The following NCOR1 variants were observed in gnomAD, a reference collection of about 807,000 sequenced individuals.
NCOR1 encodes the protein nuclear receptor corepressor 1.
Under a neutral mutation model 288.1 loss-of-function variants are expected in NCOR1, and 63 were observed. The observed-to-expected ratio is 0.22, with a 90% CI of 0.18 to 0.27. The LOEUF is 0.27. NCOR1 is among the 10% of genes least tolerant of loss of function. The pLI is 1.00. For synonymous variants in NCOR1, 1,007 were observed against 1,065.9 expected (o/e 0.94, Z 1.08); for missense variants, 2,397 against 3,019.2 (o/e 0.79, Z 4.83).
chr17:16,076,734 A>G (rs965597067), intron 26 of NCOR1, among the ~76,000 whole-genome samples: 4 of 152,220 alleles, frequency 2.6e-5, no homozygotes, highest in Non-Finnish European at 5.9e-5. Flanking sequence ...CAACCACCTC[A>G]GTGGCTGGAC....
At position 16,032,281 on chromosome 17, in the gene NCOR1, C is replaced by A; in HGVS notation, c.*15G>T. ...GATCCCTCTCCTGCACCCTGTTCCC[C>A]TCACTTTGTGCAGTTCAGTCATCAC... is the stretch of plus-strand genomic sequence containing the variant. On this transcript the variant is annotated 3_prime_UTR_variant, in exon 46 of 46. Transcript: ENST00000268712. 6.3e-7 allele frequency: 1 copy of A among 1,593,850 alleles called. No individual in the cohort carries two copies.
At chr17:16,079,690 A>T (rs1466778962) in intron 26 of NCOR1, among the ~76,000 whole-genome samples, 1 of 152,246 alleles carries the variant, frequency 6.6e-6, no homozygotes, top group Non-Finnish European at 1.5e-5. Flanking sequence ...TTTTCCAGGA[A>T]GACAATAAGA....
chr17:16,199,781 C>A (rs958804439), intron 1 of NCOR1, among the ~76,000 whole-genome samples: 2 of 152,100 alleles, frequency 1.3e-5, no homozygotes, highest in Non-Finnish European at 2.9e-5. Context: ...GAAATCTGAT[C>A]GAGATTTTAT....
At chr17:16,215,080 G>T (rs1252148929) in intron 1 of NCOR1, among the ~76,000 whole-genome samples, 11 of 152,164 alleles carry the variant, frequency 7.2e-5, no homozygotes, top group Non-Finnish European at 1.6e-4. Flanking sequence ...CTCCGCACAG[G>T]ACACCTCGGG....
At chr17:16,043,906 A>G (rs2152110512) in intron 42 of NCOR1, among the ~76,000 whole-genome samples, 1 of 152,340 alleles carries the variant, frequency 6.6e-6, no homozygotes, top group African/African-American at 2.4e-5. Context: ...ACAGTGGTTC[A>G]CGCCTGTAAT....
intron 18 of NCOR1, among the ~76,000 whole-genome samples, chr17:16,111,456 G>C (rs2070146453): frequency 6.6e-6 from 1 of 151,894 alleles, no homozygotes; most frequent in African/African-American, 2.4e-5. Flanking sequence ...ACAAACATTA[G>C]TCAGGCATGG....
chr17:16,140,745 C>T lies in NCOR1; in HGVS notation c.1174-1559G>A, dbSNP rs528327582. Among the ~76,000 whole-genome samples, 7 of 152,224 alleles carry T rather than the reference C, an allele frequency of 4.6e-5. No individual in the cohort carries two copies. In the South Asian group the frequency reaches 6.2e-4, roughly 14 times the overall value. On this transcript the variant is annotated intron_variant, in intron 11 of 45. Transcript: ENST00000268712. ...AGTAGAATCGCTTGAACCTGGGACGCGGAGGTTGCAGTGAGCCAAGATCGT... is the reference window on the plus strand; with the variant it reads ...AGTAGAATCGCTTGAACCTGGGACGTGGAGGTTGCAGTGAGCCAAGATCGT...
chr17:16,140,494 T>A (rs191761429), intron 11 of NCOR1, among the ~76,000 whole-genome samples: 1 of 152,106 alleles, frequency 6.6e-6, no homozygotes, highest in African/African-American at 2.4e-5. Context: ...TGAGACCCCA[T>A]CTCTACAAAA....
intron 20 of NCOR1, among the ~76,000 whole-genome samples, chr17:16,100,646 GA>G (rs898233405): frequency 6.6e-6 from 1 of 151,588 alleles, no homozygotes; most frequent in Non-Finnish European, 1.5e-5. Context: ...CTCAAAAAAA[GA>G]AAAAAAACTT....
At chr17:16,148,663 CAAAAAAAAAAAAA>C (rs397857284) in intron 9 of NCOR1, among the ~76,000 whole-genome samples, 11 of 48,350 alleles carry the variant, frequency 2.3e-4, no homozygotes, top group Admixed American at 7.5e-4. Context: ...ATGTTCTTGG[CAAAAAAAAAAAAA>C]AAAAAAAAAA....
rs1481819528 is a variant in NCOR1, at chr17:16,064,901, G to A, written c.5070C>T (p.Pro1690=). The A allele has an allele frequency of 1.9e-6, 3 of 1,613,228 alleles. No homozygotes were observed. The African/African-American group carries it at 4.0e-5, about 22-fold the overall frequency. ...YIPGTQITFP[P]RPYNSASMSP... ...ACATGGAAGCAGAGTTGTACGGCCT[G>A]GGAGGGAAAGTAATCTGTGTACCAG... Residue 1690 remains proline, a synonymous_variant, in exon 34 of 46, where the codon CCC becomes CCT. Transcript: ENST00000268712.
intron 21 of NCOR1, among the ~76,000 whole-genome samples, chr17:16,094,871 A>G (rs1426968434): frequency 6.6e-6 from 1 of 152,118 alleles, no homozygotes; most frequent in Non-Finnish European, 1.5e-5. Flanking sequence ...TCAGTGCTCA[A>G]TGGTGCCCAG....
chr17:16,187,385 T>G (rs1008233346), intron 2 of NCOR1, among the ~76,000 whole-genome samples: 1 of 151,872 alleles, frequency 6.6e-6, no homozygotes, highest in African/African-American at 2.4e-5. Flanking sequence ...GGGTGCATTA[T>G]TCACAACAGC....
intron 18 of NCOR1, among the ~76,000 whole-genome samples, 199 bp from the exon 19 acceptor site, chr17:16,109,111 C>T (rs1408928778): frequency 6.6e-6 from 1 of 151,850 alleles, no homozygotes; most frequent in African/African-American, 2.4e-5. Flanking sequence ...GATGGCTCGC[C>T]TTTATCAAAC....
At chr17:16,148,911 T>C (rs966527793) in intron 9 of NCOR1, among the ~76,000 whole-genome samples, 2 of 152,074 alleles carry the variant, frequency 1.3e-5, no homozygotes, top group African/African-American at 4.8e-5. Flanking sequence ...TCTGTAAAAT[T>C]AGTATAAACA....
chr17:16,075,786 CAG>C (rs2062370192), intron 26 of NCOR1, 84 bp from the exon 27 acceptor site: 2 of 1,450,008 alleles, frequency 1.4e-6, no homozygotes, highest in African/African-American at 2.8e-5. Context: ...TAACCTATGA[CAG>C]AGTCAGGCTA....
Position 16,057,920 on chromosome 17 carries a change from G to C in NCOR1, c.6155C>G (p.Ala2052Gly). 6.2e-7 allele frequency: 1 copy of C among 1,609,020 alleles called. No individual in the cohort carries two copies. Among genetic ancestry groups the C allele is most frequent in the Non-Finnish European group, 8.5e-7 (1 of 1,177,306 alleles). The change falls in exon 39 of 46, where the codon GCT (alanine) becomes GGT (glycine). Residue 2052 changes from alanine (A) to glycine (G), a missense_variant. Transcript: ENST00000268712. ...VPRTHRLITL[A>G]DHICQIITQD... is the part of the protein sequence containing the mutation. ...TGAAAAACTTACACAGATGTGATCAGCAAGTGTGATCAGCCGATGGGTCCT... is the reference window on the plus strand; with the variant it reads ...TGAAAAACTTACACAGATGTGATCACCAAGTGTGATCAGCCGATGGGTCCT...
At chr17:16,179,822 T>C (rs991254201) in intron 3 of NCOR1, among the ~76,000 whole-genome samples, 4 of 152,148 alleles carry the variant, frequency 2.6e-5, no homozygotes, top group African/African-American at 2.4e-5. Flanking sequence ...GAGACCATCC[T>C]GGCTAACACA....
chr17:16,214,427 C>G (rs2092385138), intron 1 of NCOR1, among the ~76,000 whole-genome samples: 1 of 152,128 alleles, frequency 6.6e-6, no homozygotes, highest in Non-Finnish European at 1.5e-5. Flanking sequence ...CACTGCCTCA[C>G]CAGGGTGCAC....
Sources: allele counts gnomAD v4.1 joint callset (sites outside exome capture counted in the v4.1 genomes callset), GRCh38; gene constraint gnomAD v4.1.1; transcripts MANE v1.5; gene names NCBI Gene and HGNC (gene_info 2026-07-23, HGNC 2026-07-21).